Variants in CRYBA4 observed in about 807,000 individuals in gnomAD.
The protein encoded by CRYBA4 is crystallin beta A4, also known as beta-crystallin A4.
In CRYBA4, 30 loss-of-function variants were observed where a neutral mutation model predicts 31.7. That is an observed-to-expected ratio of 0.95 (90% CI 0.71 to 1.28). CRYBA4 has a LOEUF of 1.28. Among genes scored for constraint, CRYBA4 ranks in the 50% most tolerant of loss-of-function variants. The pLI is 0.00. For missense variants in CRYBA4, 225 were observed against 260.7 expected, an observed-to-expected ratio of 0.86 and a Z score of 0.94; for synonymous variants, 102 against 102.3, an observed-to-expected ratio of 1.00 and a Z score of 0.02.
chr22:26,601,872 T>G, the CRYBA4 span: 1 of 1,611,862 alleles, frequency 6.2e-7, no homozygotes, highest in South Asian at 1.1e-5. Context: ...GCAGGAGGGA[T>G]GCTTACGTTC....
rs146414288 is a variant in CRYBA4, at chr22:26,626,832, C to A, written c.300+1210C>A. On this transcript the variant is annotated intron_variant, in intron 4 of 5. Coordinates refer to ENST00000354760, the MANE Select transcript of CRYBA4 (RefSeq NM_001886.3). ...TACACATCCAAATCAACATCTACAT[C>A]TATATCTGTATAATCTATATATCTT... is the stretch of plus-strand genomic sequence containing the variant. 7.9e-3 allele frequency among the ~76,000 whole-genome samples: 1,199 copies of A among 152,236 alleles called. 7 individuals are homozygous for A. Among genetic ancestry groups the A allele is most frequent in the Middle Eastern group, 0.017 (5 of 294 alleles).
the CRYBA4 span, among the ~76,000 whole-genome samples, chr22:26,601,130 A>G: frequency 3.9e-5 from 6 of 152,346 alleles, no homozygotes; most frequent in South Asian, 1.2e-3. Flanking sequence ...GGCCATAGCC[A>G]TGATGGTGTT....
chr22:26,604,370 G>T, the CRYBA4 span, among the ~76,000 whole-genome samples: 3 of 152,352 alleles, frequency 2.0e-5, no homozygotes, highest in South Asian at 6.2e-4. Context: ...CTTAAAAATG[G>T]ATGCTGTGAT....
chr22:26,616,948 A>C, the CRYBA4 span, among the ~76,000 whole-genome samples: 4 of 152,222 alleles, frequency 2.6e-5, no homozygotes, highest in African/African-American at 7.2e-5. Context: ...AATCTGATTT[A>C]TTCACCGTCC....
chr22:26,602,198 A>C, the CRYBA4 span, among the ~76,000 whole-genome samples: 10 of 151,682 alleles, frequency 6.6e-5, no homozygotes, highest in Admixed American at 2.6e-4. Context: ...TGGGATGACA[A>C]CTCCCACGTC....
rs1174835527 is a variant in CRYBA4 at position 26,622,646 on chromosome 22, G to A, written c.39+11G>A. On this transcript the variant is annotated intron_variant, in intron 2 of 5. Coordinates refer to ENST00000354760, the MANE Select transcript of CRYBA4 (RefSeq NM_001886.3). ...GCGGGACCCTGGAAGGTAGGAAGAG[G>A]CATGGGGAGGGGGTGTTCAGGGGGT... 1 of 1,603,710 alleles carries A rather than the reference G, an allele frequency of 6.2e-7. No homozygotes were observed.
chr22:26,615,538 G>C, the CRYBA4 span, among the ~76,000 whole-genome samples: 2 of 150,576 alleles, frequency 1.3e-5, no homozygotes, highest in Non-Finnish European at 3.0e-5. Context: ...TTTTTTGATG[G>C]AGTCTCCCTC....
At chr22:26,613,075 A>G in the CRYBA4 span, among the ~76,000 whole-genome samples, 2 of 152,104 alleles carry the variant, frequency 1.3e-5, no homozygotes, top group African/African-American at 4.8e-5. Context: ...CAATTTCTGT[A>G]TCTCCAGCCC....
rs754122706 is a variant in CRYBA4 at position 26,630,443 on chromosome 22, G to C, written c.547G>C (p.Ala183Pro). 2 of 1,614,094 alleles carry C rather than the reference G, an allele frequency of 1.2e-6. No homozygotes were observed. The highest frequency in any genetic ancestry group is 4.5e-5 in the East Asian group (2 of 44,892). Residue 183 changes from alanine to proline, a missense_variant, in exon 6 of 6, where the codon GCC (alanine) becomes CCC (proline). Transcript: ENST00000354760. ...YKHFREWGSHAPTFQVQSIRR... is the reference protein window; with the variant it reads ...YKHFREWGSHPPTFQVQSIRR... ...ACATTTCCGGGAGTGGGGCTCTCAT[G>C]CCCCGACCTTCCAGGTGCAGAGCAT...
At chr22:26,626,354 A>C (rs1466388217) in intron 4 of CRYBA4, among the ~76,000 whole-genome samples, 1 of 152,258 alleles carries the variant, frequency 6.6e-6, no homozygotes, top group Admixed American at 6.5e-5. Flanking sequence ...CAGTGAGCCA[A>C]GATCGCACCA....
chr22:26,627,476 C>CTTTT (rs1245621019), intron 4 of CRYBA4, among the ~76,000 whole-genome samples: 5 of 71,480 alleles, frequency 7.0e-5, no homozygotes, highest in African/African-American at 3.2e-4. Context: ...TTCTTTCTTT[C>CTTTT]TCTTTCTTTC....
chr22:26,611,454 G>GTTT, the CRYBA4 span, among the ~76,000 whole-genome samples: 5 of 142,694 alleles, frequency 3.5e-5, no homozygotes, highest in African/African-American at 7.7e-5. Flanking sequence ...GCTAGAGTTT[G>GTTT]TTTTTTTTTT....
chr22:26,625,998 T>G lies in CRYBA4; in HGVS notation c.300+376T>G, dbSNP rs1310417173. Among the ~76,000 whole-genome samples, 7 of 152,206 alleles carry G rather than the reference T, an allele frequency of 4.6e-5. No homozygotes were observed. In the East Asian group the frequency reaches 1.2e-3, roughly 25 times the overall value. Reference sequence around the variant, plus strand: ...GAGGAAAGGTTTCATTTCTTGCTCCTAATTCAGCATCAGTGCTCCTGATCT... The same window carrying G: ...GAGGAAAGGTTTCATTTCTTGCTCCGAATTCAGCATCAGTGCTCCTGATCT... On this transcript the variant is annotated intron_variant, in intron 4 of 5. Coordinates refer to ENST00000354760, the MANE Select transcript of CRYBA4 (RefSeq NM_001886.3).
the CRYBA4 span, chr22:26,599,734 C>T: frequency 7.4e-7 from 1 of 1,358,570 alleles, no homozygotes. Flanking sequence ...GGCACCCAGA[C>T]CCCTGCCAGA....
At chr22:26,603,149 A>C in the CRYBA4 span, among the ~76,000 whole-genome samples, 1 of 151,646 alleles carries the variant, frequency 6.6e-6, no homozygotes, top group Non-Finnish European at 1.5e-5. Context: ...AAAAAACAAA[A>C]AACAAATCCT....
At chr22:26,621,481 T>A (rs1929528732), upstream of CRYBA4, among the ~76,000 whole-genome samples, 2 of 152,180 alleles carry the variant, frequency 1.3e-5, no homozygotes, top group Non-Finnish European at 2.9e-5. Context: ...CAAGCCTATC[T>A]GGATTGCTTC....
intron 5 of CRYBA4, 77 bp from the exon 6 acceptor site, chr22:26,630,263 A>G (rs1164115035): frequency 1.9e-6 from 3 of 1,582,412 alleles, no homozygotes; most frequent in East Asian, 4.5e-5. Context: ...GTGCGTGTGC[A>G]TAGATCCCTT....
At chr22:26,630,190 T>C (rs921821950) in intron 5 of CRYBA4, 150 bp from the exon 6 acceptor site, 8 of 955,004 alleles carry the variant, frequency 8.4e-6, no homozygotes, top group Non-Finnish European at 1.3e-5. Context: ...AAAGGCCCTG[T>C]GGTAGGGGAG....
chr22:26,620,983 G>A (rs148354873), upstream of CRYBA4, among the ~76,000 whole-genome samples: 1 of 152,278 alleles, frequency 6.6e-6, no homozygotes, highest in East Asian at 1.9e-4. Flanking sequence ...TAAGAAAGAA[G>A]CAGGGCTGGA....
Sources: gnomAD v4.1 joint callset for allele counts (sites outside exome capture counted in the v4.1 genomes callset) on GRCh38, gnomAD v4.1.1 for gene constraint, MANE v1.5 for transcripts, NCBI Gene and HGNC (gene_info 2026-07-23, HGNC 2026-07-21) for gene names.